Variants in ABCG1 observed in about 807,000 individuals in gnomAD.
ABCG1 encodes ATP-binding cassette sub-family G member 1.
In ABCG1, 29 loss-of-function variants were observed where a neutral mutation model predicts 69.2. That is an observed-to-expected ratio of 0.42 (90% CI 0.31 to 0.57). The LOEUF is 0.57. Ranked by LOEUF, ABCG1 falls within the 20% of genes least tolerant of loss-of-function variation. The probability of loss-of-function intolerance (pLI) is 0.15; values close to 1 mark genes in which losing one functional copy is unlikely to be tolerated. For missense variants in ABCG1, 718 were observed against 898.1 expected (o/e 0.80, Z 2.56); for synonymous variants, 370 against 374.8 (o/e 0.99, Z 0.15).
At chr21:42,265,059 C>T (rs776488122) in intron 2 of ABCG1, among the ~76,000 whole-genome samples, 4 of 152,182 alleles carry the variant, frequency 2.6e-5, no homozygotes, top group Non-Finnish European at 4.4e-5. Flanking sequence ...GCCCCCCATC[C>T]CCATGCAGGA....
chr21:42,272,703 AGT>A (rs1181249743), intron 3 of ABCG1, among the ~76,000 whole-genome samples: 1 of 152,196 alleles, frequency 6.6e-6, no homozygotes, highest in East Asian at 1.9e-4. Flanking sequence ...CCAGTGAATG[AGT>A]GTGCCTGGTG....
Position 42,296,618 on chromosome 21 carries a change from T to C in ABCG1, c.*226T>C, listed in dbSNP as rs1193316959. ...CTTTAACTAGGAAGATGTAGGCAGA[T>C]TGGTGGTTTTTTTTTTTTTAACATA... is the stretch of plus-strand genomic sequence containing the variant. On this transcript the variant is annotated 3_prime_UTR_variant, in exon 15 of 15. Coordinates refer to ENST00000398449, the MANE Select transcript of ABCG1 (RefSeq NM_016818.3). The surrounding 1 kb of genome is among the most constrained non-coding windows in gnomAD (Gnocchi z 5.4). 1 of 506,978 alleles carries C rather than the reference T, an allele frequency of 2.0e-6. No homozygotes were observed. The highest frequency in any genetic ancestry group is 2.3e-5 in the South Asian group (1 of 42,584). The allele number at this position is 506,978 out of a possible 1,614,324, so 31.4% of individuals were successfully genotyped here.
upstream of ABCG1, chr21:42,219,127 C>G (rs2067677768): frequency 2.4e-6 from 2 of 824,364 alleles, no homozygotes; most frequent in Admixed American, 9.8e-5. The surrounding 1 kb of genome is among the most constrained non-coding windows in gnomAD (Gnocchi z 5.3). Context: ...AGAGCCGGAG[C>G]CGGATCCCAG....
chr21:42,216,268 T>C (rs1442460584), upstream of ABCG1: 9 of 362,258 alleles, frequency 2.5e-5, no homozygotes, highest in Non-Finnish European at 4.5e-5. Flanking sequence ...AATGGACTAA[T>C]ACAGACAGGA....
Position 42,276,923 on chromosome 21 carries a change from A to G in ABCG1, c.566A>G (p.Lys189Arg), listed in dbSNP as rs142441719. Residue 189 changes from lysine to arginine, a missense_variant, in exon 5 of 15, where the codon AAG becomes AGG. By Grantham distance (26) the Lys-to-Arg change is conservative. Transcript: ENST00000398449. The surrounding 1 kb of genome is among the most constrained non-coding windows in gnomAD (Gnocchi z 5.3). ...TCGGCACATCTGAAGCTTCAGGAGA[A>G]GGATGAAGGCAGAAGGGAAATGGTA... ...MVSAHLKLQEKDEGRREMVKE... is the reference protein window; with the variant it reads ...MVSAHLKLQERDEGRREMVKE... 3.7e-6 allele frequency: 6 copies of G among 1,614,112 alleles called. No individual in the cohort carries two copies. The African/African-American group carries it at 6.7e-5, about 18-fold the overall frequency.
chr21:42,275,656 C>T (rs1459645298), intron 4 of ABCG1, among the ~76,000 whole-genome samples: 1 of 152,214 alleles, frequency 6.6e-6, no homozygotes, highest in Non-Finnish European at 1.5e-5. Context: ...CGACTAGGGA[C>T]TCCTGCTGTC....
intron 2 of ABCG1, among the ~76,000 whole-genome samples, chr21:42,232,512 C>G (rs1265965000): frequency 1.3e-5 from 2 of 152,206 alleles, no homozygotes; most frequent in Non-Finnish European, 2.9e-5. Flanking sequence ...CATGTTAATA[C>G]TTTGTCATTT....
In ABCG1 at chr21:42,282,420, G is replaced by A; in HGVS notation, c.734+1G>A. On this transcript the variant is annotated splice_donor_variant, in intron 6 of 14. Transcript: ENST00000398449. LOFTEE classifies it high-confidence loss of function. The stretch of plus-strand genomic sequence containing the variant: ...TCATGTTCTTCGATGAGCCCACCAG[G>A]TAAGTCAGGAGCATCTGAGCTGGTG... 1 of 1,610,910 alleles carries A rather than the reference G, an allele frequency of 6.2e-7. No homozygotes were observed. Among genetic ancestry groups the A allele is most frequent in the Non-Finnish European group, 8.5e-7 (1 of 1,177,654 alleles).
Position 42,291,052 on chromosome 21 carries a change from A to G in ABCG1, c.1394-40A>G, listed in dbSNP as rs747209701. ...GGGATGTTAAACGGGCTCGCTGCACATGGTCACTGACCCTTCTTTTTTGCT... is the reference window on the plus strand; with the variant it reads ...GGGATGTTAAACGGGCTCGCTGCACGTGGTCACTGACCCTTCTTTTTTGCT... On this transcript the variant is annotated intron_variant, in intron 11 of 14. Coordinates refer to ENST00000398449, the MANE Select transcript of ABCG1 (RefSeq NM_016818.3). The surrounding 1 kb of genome is among the most constrained non-coding windows in gnomAD (Gnocchi z 6.4). 92 of 1,511,914 alleles carry G rather than the reference A, an allele frequency of 6.1e-5. No individual in the cohort carries two copies. The highest frequency in any genetic ancestry group is 1.7e-4 in the Middle Eastern group (1 of 5,878). 93.7% of individuals were successfully genotyped at this position (1,511,914 alleles called of 1,614,324 possible).
chr21:42,276,535 T>G lies in ABCG1; in HGVS notation c.538-360T>G. The G allele has an allele frequency of 7.7e-6, 2 of 258,334 alleles. No homozygotes were observed. Among genetic ancestry groups the G allele is most frequent in the East Asian group, 9.1e-5 (1 of 11,012 alleles). The allele number at this position is 258,334 out of a possible 1,614,324, so 16.0% of individuals were successfully genotyped here. Reference sequence around the variant, plus strand: ...GGACTGCTCTCCTGCCATCCTACCATTGTTAAAGCAGGGGCATCGGAAGCC... The same window carrying G: ...GGACTGCTCTCCTGCCATCCTACCAGTGTTAAAGCAGGGGCATCGGAAGCC... On this transcript the variant is annotated intron_variant, in intron 4 of 14. Transcript: ENST00000398449. This position sits in a 1 kb window ranked among gnomAD's most constrained non-coding sequence, Gnocchi z 5.3.
chr21:42,248,323 G>C (rs2068164204), intron 2 of ABCG1, among the ~76,000 whole-genome samples: 1 of 152,168 alleles, frequency 6.6e-6, no homozygotes, highest in South Asian at 2.1e-4. Flanking sequence ...GGACTCCTGG[G>C]ACCTGTCCAG....
chr21:42,249,694 G>A (rs544008329), intron 2 of ABCG1, among the ~76,000 whole-genome samples: 10 of 152,140 alleles, frequency 6.6e-5, no homozygotes, highest in East Asian at 1.9e-4. Context: ...GTAAAAAGAC[G>A]GTATGGAGCT....
At chr21:42,252,110 A>C (rs546438954) in intron 2 of ABCG1, among the ~76,000 whole-genome samples, 22 of 152,310 alleles carry the variant, frequency 1.4e-4, no homozygotes, top group African/African-American at 5.3e-4. Context: ...GCACGGGGGC[A>C]AGGGTTTGAT....
intron 2 of ABCG1, chr21:42,259,312 T>C: frequency 6.5e-7 from 1 of 1,540,226 alleles, no homozygotes; most frequent in Non-Finnish European, 8.8e-7. Flanking sequence ...TTTGTTGCAG[T>C]AGCCACAGCC....
At chr21:42,238,712 T>C (rs2068010165) in intron 2 of ABCG1, among the ~76,000 whole-genome samples, 2 of 152,184 alleles carry the variant, frequency 1.3e-5, no homozygotes, top group Admixed American at 1.3e-4. Context: ...TTGATGCAGG[T>C]TATCTTAGGA....
chr21:42,220,055 T>C, intron 1 of ABCG1: 1 of 1,550,700 alleles, frequency 6.4e-7, no homozygotes. Flanking sequence ...CTGTAAGTGC[T>C]GTTTCCAGGG....
At chr21:42,225,318 T>G (rs772078873) in intron 1 of ABCG1, among the ~76,000 whole-genome samples, 7 of 152,220 alleles carry the variant, frequency 4.6e-5, no homozygotes, top group Non-Finnish European at 1.0e-4. Flanking sequence ...ATTGAGGTTT[T>G]TAAAATGAGG....
chr21:42,248,541 C>T (rs965708431), intron 2 of ABCG1, among the ~76,000 whole-genome samples: 1 of 152,142 alleles, frequency 6.6e-6, no homozygotes, highest in African/African-American at 2.4e-5. Flanking sequence ...CTCAGCAGCA[C>T]TGTTCATAAC....
rs541820413 is a variant in ABCG1, at chr21:42,234,344, C to T, written c.286+8430C>T. The stretch of plus-strand genomic sequence containing the variant: ...ATAAAATAAGCTGGGTTGAGTTTTC[C>T]TTACCCAAGACATAAACCCCAAACC... On this transcript the variant is annotated intron_variant, in intron 2 of 14. Coordinates refer to ENST00000398449, the MANE Select transcript of ABCG1 (RefSeq NM_016818.3). 1.4e-4 allele frequency among the ~76,000 whole-genome samples: 22 copies of T among 152,286 alleles called. No homozygotes were observed. In the South Asian group the frequency reaches 4.4e-3, roughly 30 times the overall value.
Sources: allele counts gnomAD v4.1 joint callset (sites outside exome capture counted in the v4.1 genomes callset), GRCh38; gene constraint gnomAD v4.1.1; non-coding constraint Gnocchi (gnomAD v3.1); transcripts MANE v1.5; gene names NCBI Gene and HGNC (gene_info 2026-07-23, HGNC 2026-07-21).